SAMMSON: variants seen among roughly 807,000 people sequenced by gnomAD.
SAMMSON encodes long intergenic non-protein coding RNA 1212.
chr3:70,121,149 C>T (rs1344768897), intron 4 of SAMMSON, among the ~76,000 whole-genome samples: 5 of 152,174 alleles, frequency 3.3e-5, no homozygotes, highest in Non-Finnish European at 5.9e-5. Context: ...AAGAATCTAA[C>T]GCCACTGCTG....
chr3:70,359,771 G>A (rs892628566), intron 9 of SAMMSON, among the ~76,000 whole-genome samples: 1 of 151,882 alleles, frequency 6.6e-6, no homozygotes, highest in African/African-American at 2.4e-5. Context: ...ATTATTTTTT[G>A]TTTTATTTAG....
intron 4 of SAMMSON, among the ~76,000 whole-genome samples, chr3:70,197,856 A>G (rs1222130838): frequency 6.6e-6 from 1 of 151,946 alleles, no homozygotes; most frequent in Non-Finnish European, 1.5e-5. Flanking sequence ...AAAGGTTTTA[A>G]ATCTTATCAA....
intron 7 of SAMMSON, among the ~76,000 whole-genome samples, chr3:70,317,432 A>G (rs1702502632): frequency 6.6e-6 from 1 of 151,942 alleles, no homozygotes; most frequent in Non-Finnish European, 1.5e-5. Flanking sequence ...ACATAATGCT[A>G]TTGTACACTT....
At chr3:70,175,952 A>G (rs1054460939) in intron 4 of SAMMSON, among the ~76,000 whole-genome samples, 1 of 151,984 alleles carries the variant, frequency 6.6e-6, no homozygotes, top group Non-Finnish European at 1.5e-5. Flanking sequence ...TTACATTTTT[A>G]TTGTTTGCCA....
At chr3:70,183,047 C>T (rs1701066424) in intron 4 of SAMMSON, among the ~76,000 whole-genome samples, 1 of 152,188 alleles carries the variant, frequency 6.6e-6, no homozygotes, top group African/African-American at 2.4e-5. Context: ...CTCCTCAGGT[C>T]TCTGGATTCA....
intron 9 of SAMMSON, among the ~76,000 whole-genome samples, chr3:70,370,467 T>A (rs1002409515): frequency 6.6e-6 from 1 of 152,046 alleles, no homozygotes; most frequent in Non-Finnish European, 1.5e-5. Flanking sequence ...CTTGTCAGCA[T>A]CTGTTATTTT....
At chr3:70,240,479 G>C (rs1205207057) in intron 4 of SAMMSON, among the ~76,000 whole-genome samples, 1 of 151,960 alleles carries the variant, frequency 6.6e-6, no homozygotes, top group Non-Finnish European at 1.5e-5. Flanking sequence ...TTGGAAGTTG[G>C]ACCCTAACTA....
At chr3:70,059,288 T>G (rs1328087179) in intron 3 of SAMMSON, among the ~76,000 whole-genome samples, 1 of 152,108 alleles carries the variant, frequency 6.6e-6, no homozygotes. Context: ...CAAAATTTAG[T>G]TCCTGTAGTA....
intron 4 of SAMMSON, among the ~76,000 whole-genome samples, chr3:70,199,856 A>G (rs1701220794): frequency 6.6e-6 from 1 of 152,186 alleles, no homozygotes; most frequent in Non-Finnish European, 1.5e-5. Flanking sequence ...AGTGTATACC[A>G]TATATGCTAT....
At chr3:70,274,148 G>A (rs1420665479) in intron 6 of SAMMSON, among the ~76,000 whole-genome samples, 1 of 151,220 alleles carries the variant, frequency 6.6e-6, no homozygotes. Flanking sequence ...AGAAAATAAT[G>A]TGAAATTATA....
At chr3:70,419,532 G>A (rs895307464) in intron 2 of SAMMSON, among the ~76,000 whole-genome samples, 1 of 152,152 alleles carries the variant, frequency 6.6e-6, no homozygotes, top group Non-Finnish European at 1.5e-5. Context: ...ATACAACACT[G>A]ATTGGAATGA....
chr3:70,139,348 C>T (rs60313987), intron 4 of SAMMSON, among the ~76,000 whole-genome samples: 2,276 of 152,184 alleles, frequency 0.015, 53 homozygotes, highest in African/African-American at 0.053. Context: ...AACCTTAAGT[C>T]TTGAGAATAA....
At chr3:70,424,510 G>A (rs1001503625) in intron 2 of SAMMSON, among the ~76,000 whole-genome samples, 1 of 151,972 alleles carries the variant, frequency 6.6e-6, no homozygotes. Context: ...CACACTGGAT[G>A]ACACTGACAC....
intron 4 of SAMMSON, among the ~76,000 whole-genome samples, chr3:70,073,857 A>G (rs1020108292): frequency 1.3e-5 from 2 of 152,070 alleles, no homozygotes; most frequent in African/African-American, 4.8e-5. Flanking sequence ...ATTCTTACTC[A>G]AAAGATATTA....
chr3:70,410,597 A>AT (rs1170797874), intron 2 of SAMMSON, among the ~76,000 whole-genome samples: 1 of 152,156 alleles, frequency 6.6e-6, no homozygotes. Context: ...TTACTGCAAG[A>AT]TTTTTTTAAA....
intron 6 of SAMMSON, among the ~76,000 whole-genome samples, chr3:70,250,944 A>C (rs1701759492): frequency 6.6e-6 from 1 of 152,236 alleles, no homozygotes; most frequent in African/African-American, 2.4e-5. Context: ...ATCTATTTAG[A>C]GAAAGACAAA....
chr3:70,092,323 G>A (rs1157971041), intron 4 of SAMMSON, among the ~76,000 whole-genome samples: 1 of 151,914 alleles, frequency 6.6e-6, no homozygotes, highest in Non-Finnish European at 1.5e-5. Context: ...ATACATGATG[G>A]ACACTTCTGT....
At chr3:70,151,515 C>CTT (rs1313654526) in intron 4 of SAMMSON, among the ~76,000 whole-genome samples, 7 of 152,026 alleles carry the variant, frequency 4.6e-5, no homozygotes, top group African/African-American at 1.4e-4. Context: ...TTCCTCCTTT[C>CTT]TTTGCCTCAG....
At chr3:70,362,967 T>C (rs1330424081) in intron 9 of SAMMSON, among the ~76,000 whole-genome samples, 6 of 152,028 alleles carry the variant, frequency 3.9e-5, no homozygotes, top group Admixed American at 3.9e-4. Flanking sequence ...CAAGTATCTA[T>C]CTCTATGGTT....
Sources: gnomAD v4.1 joint callset for allele counts (sites outside exome capture counted in the v4.1 genomes callset) on GRCh38, gnomAD v4.1.1 for gene constraint, MANE v1.5 for transcripts, NCBI Gene and HGNC (gene_info 2026-07-23, HGNC 2026-07-21) for gene names.